The following TCF12 variants were observed in gnomAD, a reference collection of about 807,000 sequenced individuals.
TCF12 encodes the protein transcription factor 12.
In TCF12, 45 loss-of-function variants were observed where a neutral mutation model predicts 86.0. The observed-to-expected ratio is 0.52, with a 90% CI of 0.41 to 0.67. The LOEUF (loss-of-function observed/expected upper bound fraction) is 0.67. TCF12 is among the 30% of genes least tolerant of loss of function. TCF12 has a pLI of 0.00. For synonymous variants in TCF12, 330 were observed against 299.6 expected (o/e 1.10, Z -1.05); for missense variants, 881 against 859.9 (o/e 1.02, Z -0.31).
intron 5 of TCF12, among the ~76,000 whole-genome samples, chr15:57,117,587 A>G (rs1326090323): frequency 3.9e-5 from 6 of 152,208 alleles, no homozygotes; most frequent in African/African-American, 1.2e-4. Flanking sequence ...TTCTTAATAT[A>G]TAAATGCGGA....
intron 5 of TCF12, 125 bp downstream of exon 5, chr15:57,092,016 C>G: frequency 1.5e-6 from 1 of 676,996 alleles, no homozygotes; most frequent in Non-Finnish European, 2.5e-6. Flanking sequence ...CTAGGGGCAT[C>G]TAGGGCTTTT....
chr15:56,942,226 G>A (rs2060809687), intron 3 of TCF12, among the ~76,000 whole-genome samples: 1 of 152,128 alleles, frequency 6.6e-6, no homozygotes, highest in Non-Finnish European at 1.5e-5. Context: ...GATTTGAATG[G>A]AGGCTTTGTA....
At chr15:57,066,347 G>A (rs1281484616) in intron 4 of TCF12, among the ~76,000 whole-genome samples, 2 of 151,822 alleles carry the variant, frequency 1.3e-5, no homozygotes, top group South Asian at 2.1e-4. Flanking sequence ...AGTACATTGA[G>A]GTTCTTAAAT....
intron 3 of TCF12, among the ~76,000 whole-genome samples, chr15:57,021,832 A>G (rs1037776982): frequency 3.3e-5 from 5 of 151,844 alleles, no homozygotes; most frequent in African/African-American, 1.2e-4. Context: ...GACTTTTCCT[A>G]TAGGCGGGTT....
At chr15:56,969,222 C>T (rs2062164336) in intron 3 of TCF12, among the ~76,000 whole-genome samples, 1 of 152,242 alleles carries the variant, frequency 6.6e-6, no homozygotes, top group Admixed American at 6.5e-5. Flanking sequence ...CTGACTTTTC[C>T]CTTGGCTTAG....
intron 3 of TCF12, among the ~76,000 whole-genome samples, chr15:57,024,161 A>G (rs1358335721): frequency 1.3e-4 from 19 of 151,596 alleles, no homozygotes; most frequent in African/African-American, 3.9e-4. Context: ...AGTATGGCTC[A>G]GGCAAGAAAG....
intron 8 of TCF12, among the ~76,000 whole-genome samples, chr15:57,229,995 A>G (rs535071810): frequency 5.9e-5 from 9 of 152,114 alleles, no homozygotes; most frequent in East Asian, 1.9e-4. Flanking sequence ...TTATTAGTCT[A>G]TAGAAATATA....
chr15:57,058,962 T>C (rs1285866738), intron 3 of TCF12, among the ~76,000 whole-genome samples: 1 of 152,214 alleles, frequency 6.6e-6, no homozygotes, highest in Non-Finnish European at 1.5e-5. Context: ...ATCCTTACTC[T>C]ACAAATAGAA....
chr15:57,158,184 G>GTTTTTTTTTTTTTTTT lies in TCF12; in HGVS notation c.326-8215_326-8214insTTTTTTTTTTTTTTTT, dbSNP rs374179677. ...ACAGATGTTAAAGTCTCAGAAAGTC[G>GTTTTTTTTTTTTTTTT]TTTCTTTTTTTTTTTTTTCTTTGAG... On this transcript the variant is annotated intron_variant, in intron 5 of 20. Transcript: ENST00000333725. Among the ~76,000 whole-genome samples the GTTTTTTTTTTTTTTTT allele has an allele frequency of 4.5e-5, 6 of 134,082 alleles. 2 individuals carry two copies. Among genetic ancestry groups the GTTTTTTTTTTTTTTTT allele is most frequent in the Non-Finnish European group, 4.8e-5 (3 of 62,332 alleles). The allele number at this position is 134,082 out of a possible 152,430, so 88.0% of individuals were successfully genotyped here.
intron 3 of TCF12, among the ~76,000 whole-genome samples, chr15:56,982,586 G>T (rs1286739700): frequency 1.3e-5 from 2 of 152,082 alleles, no homozygotes; most frequent in Non-Finnish European, 2.9e-5. Context: ...TGAACACATT[G>T]CTGCTTTAAA....
intron 4 of TCF12, among the ~76,000 whole-genome samples, chr15:57,077,974 C>T (rs550630410): frequency 8.6e-5 from 13 of 152,010 alleles, no homozygotes; most frequent in South Asian, 2.1e-4. Flanking sequence ...TAGTATTATT[C>T]GATATATAGG....
At chr15:57,251,934 C>A (rs1329362389) in intron 14 of TCF12, among the ~76,000 whole-genome samples, 1 of 152,106 alleles carries the variant, frequency 6.6e-6, no homozygotes, top group Non-Finnish European at 1.5e-5. Context: ...GCAAATTATA[C>A]AAGCAAAACA....
At chr15:57,224,734 T>C (rs1422733686) in intron 8 of TCF12, among the ~76,000 whole-genome samples, 1 of 152,200 alleles carries the variant, frequency 6.6e-6, no homozygotes, top group Non-Finnish European at 1.5e-5. Flanking sequence ...AACACATATT[T>C]ATCCCTTTTA....
chr15:57,109,964 T>G (rs2050380086), intron 5 of TCF12, among the ~76,000 whole-genome samples: 1 of 152,180 alleles, frequency 6.6e-6, no homozygotes, highest in Non-Finnish European at 1.5e-5. Flanking sequence ...ATATTTTAAT[T>G]GAAGACACAA....
At chr15:57,105,427 T>C (rs754795888) in intron 5 of TCF12, among the ~76,000 whole-genome samples, 6 of 152,174 alleles carry the variant, frequency 3.9e-5, no homozygotes, top group Non-Finnish European at 7.3e-5. Context: ...GTGGTGTTTT[T>C]TTAGACGGAG....
intron 4 of TCF12, among the ~76,000 whole-genome samples, chr15:57,075,804 T>TTCTTTCTTTCTCTCTCTCTC (rs1461514777): frequency 2.3e-3 from 65 of 28,572 alleles, no homozygotes; most frequent in Non-Finnish European, 3.2e-3. Flanking sequence ...CTTTCTTTCT[T>TTCTTTCTTTCTCTCTCTCTC]TCTCTCTCTC....
intron 5 of TCF12, among the ~76,000 whole-genome samples, chr15:57,145,865 A>G (rs1464824874): frequency 6.6e-6 from 1 of 152,152 alleles, no homozygotes; most frequent in African/African-American, 2.4e-5. Flanking sequence ...TTGAGTTTAG[A>G]GCAGCGTTTC....
intron 3 of TCF12, among the ~76,000 whole-genome samples, chr15:56,975,040 GT>G (rs2062529864): frequency 6.6e-6 from 1 of 152,048 alleles, no homozygotes; most frequent in African/African-American, 2.4e-5. Flanking sequence ...TTTTATAAAT[GT>G]TTTCCCATCA....
At chr15:57,224,689 T>G (rs962147641) in intron 8 of TCF12, among the ~76,000 whole-genome samples, 1 of 152,176 alleles carries the variant, frequency 6.6e-6, no homozygotes, top group African/African-American at 2.4e-5. Flanking sequence ...GAAAGAGATA[T>G]TGGTCCTTTT....
Sources: gnomAD v4.1 joint callset for allele counts (sites outside exome capture counted in the v4.1 genomes callset) on GRCh38, gnomAD v4.1.1 for gene constraint, MANE v1.5 for transcripts, NCBI Gene and HGNC (gene_info 2026-07-23, HGNC 2026-07-21) for gene names.